Variants in PSD3 observed in about 807,000 individuals in gnomAD.
PSD3 encodes PH and SEC7 domain-containing protein 3.
Under a neutral mutation model 105.5 loss-of-function variants are expected in PSD3, and 49 were observed. The ratio of observed to expected loss-of-function variants is 0.46; its 90% CI spans 0.37 to 0.59. The LOEUF (loss-of-function observed/expected upper bound fraction) is 0.59, where lower values mean the gene tolerates loss of function less well. Ranked by LOEUF, PSD3 falls within the 20% of genes least tolerant of loss-of-function variation. PSD3 has a pLI of 0.00. For missense variants in PSD3, 1,561 were observed against 1,263.8 expected (o/e 1.24, Z -3.57); for synonymous variants, 557 against 457.8 (o/e 1.22, Z -2.77).
chr8:18,752,644 T>TG (rs1805697052), intron 9 of PSD3, among the ~76,000 whole-genome samples: 1 of 101,310 alleles, frequency 9.9e-6, no homozygotes, highest in African/African-American at 4.5e-5. Flanking sequence ...ATATATATAA[T>TG]ATATATAATA....
chr8:18,961,273 A>T (rs1823897126), intron 1 of PSD3, among the ~76,000 whole-genome samples: 1 of 152,232 alleles, frequency 6.6e-6, no homozygotes, highest in Non-Finnish European at 1.5e-5. Flanking sequence ...TTACTTTGAC[A>T]ACTCAATACT....
intron 2 of PSD3, among the ~76,000 whole-genome samples, chr8:18,882,833 A>G (rs1818196246): frequency 6.6e-6 from 1 of 151,804 alleles, no homozygotes; most frequent in Admixed American, 6.6e-5. Context: ...TATATAGCTT[A>G]TGTAGATATA....
chr8:19,016,818 A>T (rs1360579990), upstream of PSD3, among the ~76,000 whole-genome samples: 2 of 152,234 alleles, frequency 1.3e-5, no homozygotes, highest in South Asian at 2.1e-4. Flanking sequence ...AGCACAAGAG[A>T]CGGGAAGCAA....
intron 15 of PSD3, 152 bp downstream of exon 15, chr8:18,556,057 G>C (rs1444003755): frequency 1.2e-6 from 1 of 805,738 alleles, no homozygotes; most frequent in African/African-American, 1.7e-5. Flanking sequence ...ACAAACAAGA[G>C]GGGCCACCAT....
chr8:18,947,547 G>A (rs756027046), intron 1 of PSD3, among the ~76,000 whole-genome samples: 7 of 152,186 alleles, frequency 4.6e-5, no homozygotes, highest in East Asian at 3.9e-4. Context: ...GTCAGGGAGC[G>A]GCGGCCATAT....
chr8:18,728,795 T>C (rs1803515542), intron 9 of PSD3, among the ~76,000 whole-genome samples: 2 of 25,410 alleles, frequency 7.9e-5, no homozygotes, highest in South Asian at 9.7e-4. Flanking sequence ...ATATAACCTT[T>C]ATATGTCAAT....
intron 2 of PSD3, among the ~76,000 whole-genome samples, chr8:18,914,118 C>T (rs1820421006): frequency 6.6e-6 from 1 of 151,676 alleles, no homozygotes; most frequent in African/African-American, 2.4e-5. Context: ...CACACATTCC[C>T]TTCCAGATGG....
intron 12 of PSD3, among the ~76,000 whole-genome samples, chr8:18,590,654 G>A (rs1326778813): frequency 6.6e-6 from 1 of 151,468 alleles, no homozygotes; most frequent in African/African-American, 2.4e-5. Context: ...ATATGTGCAT[G>A]TGTGTGTGTG....
intron 9 of PSD3, among the ~76,000 whole-genome samples, chr8:18,676,181 G>A (rs1800054314): frequency 6.6e-6 from 1 of 152,058 alleles, no homozygotes; most frequent in Admixed American, 6.5e-5. Context: ...AAGCTTGCCA[G>A]GAATGACAGC....
chr8:18,779,851 A>G (rs76308784), intron 8 of PSD3, among the ~76,000 whole-genome samples: 2,554 of 152,308 alleles, frequency 0.017, 86 homozygotes, highest in East Asian at 0.12. Flanking sequence ...TATAACAAAT[A>G]GTCTAGCCTC....
At chr8:19,029,236 G>A (rs1827673070) in intron 1 of PSD3, among the ~76,000 whole-genome samples, 1 of 152,110 alleles carries the variant, frequency 6.6e-6, no homozygotes, top group Non-Finnish European at 1.5e-5. Context: ...TGAATCTGTA[G>A]GTCAGCTTGG....
chr8:18,983,141 C>T (rs1341351853), intron 1 of PSD3, among the ~76,000 whole-genome samples: 4 of 152,214 alleles, frequency 2.6e-5, no homozygotes, highest in African/African-American at 9.7e-5. Flanking sequence ...AAGATGGCCT[C>T]CTTCCTTAAA....
chr8:18,814,766 GACTC>G (rs1812063235), intron 4 of PSD3, among the ~76,000 whole-genome samples: 1 of 152,150 alleles, frequency 6.6e-6, no homozygotes. Flanking sequence ...CAGGAAGAGT[GACTC>G]ACTTACAGTC....
At chr8:19,008,555 G>A (rs1276279438) in intron 1 of PSD3, among the ~76,000 whole-genome samples, 51 of 152,146 alleles carry the variant, frequency 3.4e-4, no homozygotes, top group Non-Finnish European at 2.9e-5. Context: ...CTTCTTGAAA[G>A]TACAAGTTTT....
intron 10 of PSD3, among the ~76,000 whole-genome samples, chr8:18,652,493 G>GTTATT (rs781025929): frequency 9.7e-5 from 9 of 92,602 alleles, no homozygotes; most frequent in African/African-American, 3.9e-4. Context: ...AAAAAGCTTA[G>GTTATT]TTTTTTTTTT....
intron 4 of PSD3, among the ~76,000 whole-genome samples, chr8:18,855,707 G>A (rs963970310): frequency 7.3e-6 from 1 of 136,918 alleles, no homozygotes; most frequent in Non-Finnish European, 1.6e-5. Flanking sequence ...GTGAAACACT[G>A]TCTAATGATT....
intron 14 of PSD3, among the ~76,000 whole-genome samples, chr8:18,556,858 A>G (rs1801108756): frequency 1.3e-5 from 2 of 152,248 alleles, no homozygotes; most frequent in Admixed American, 6.5e-5. Context: ...TCTGAAGCTT[A>G]CCAGATGATA....
intron 4 of PSD3, among the ~76,000 whole-genome samples, chr8:18,839,010 T>C (rs1406110318): frequency 6.6e-6 from 1 of 151,706 alleles, no homozygotes; most frequent in East Asian, 2.0e-4. Flanking sequence ...ACAAATGGGA[T>C]GACAGACAAC....
intron 12 of PSD3, among the ~76,000 whole-genome samples, chr8:18,585,697 G>A (rs1258849883): frequency 2.0e-5 from 3 of 152,152 alleles, no homozygotes; most frequent in Non-Finnish European, 1.5e-5. Flanking sequence ...TTTCTTATAA[G>A]AGTCGTCAGG....
Sources: allele counts gnomAD v4.1 joint callset (sites outside exome capture counted in the v4.1 genomes callset), GRCh38; gene constraint gnomAD v4.1.1; transcripts MANE v1.5; gene names NCBI Gene and HGNC (gene_info 2026-07-23, HGNC 2026-07-21).